MRC1: variants seen among roughly 807,000 people sequenced by gnomAD.
MRC1 encodes the protein mannose receptor C-type 1.
MRC1 carries 62 observed loss-of-function variants against 102.9 expected under a neutral mutation model. That is an observed-to-expected ratio of 0.60 (90% CI 0.49 to 0.74). MRC1 has a LOEUF of 0.74. Among genes scored for constraint, MRC1 ranks in the 30% least tolerant of loss-of-function variants. The probability of loss-of-function intolerance (pLI) is 0.00; values close to 1 mark genes in which losing one functional copy is unlikely to be tolerated. For missense variants in MRC1, 1,237 were observed against 862.8 expected (o/e 1.43, Z -5.43); for synonymous variants, 457 against 298.4 (o/e 1.53, Z -5.48).
intron 9 of MRC1, among the ~76,000 whole-genome samples, chr10:17,859,610 G>A (rs1478858899): frequency 1.3e-5 from 2 of 152,210 alleles, no homozygotes; most frequent in East Asian, 3.9e-4. Flanking sequence ...GAGCCACTGC[G>A]CCTGGCTGGT....
chr10:17,872,499 C>A (rs1202982252), intron 15 of MRC1, among the ~76,000 whole-genome samples: 2 of 152,192 alleles, frequency 1.3e-5, no homozygotes, highest in Non-Finnish European at 2.9e-5. Context: ...CGTTAATCAT[C>A]AAATAGTTGA....
chr10:17,895,274 T>G (rs1833739117), intron 23 of MRC1, among the ~76,000 whole-genome samples: 1 of 151,414 alleles, frequency 6.6e-6, no homozygotes, highest in Admixed American at 6.6e-5. Flanking sequence ...TTTCCTTGCA[T>G]AGCAACAGGT....
chr10:17,909,837 A>G (rs1382361173), intron 29 of MRC1, among the ~76,000 whole-genome samples: 1 of 151,784 alleles, frequency 6.6e-6, no homozygotes, highest in Non-Finnish European at 1.5e-5. Context: ...TCACGTTTCC[A>G]CTATTCTTAT....
rs952252722 is a variant in MRC1, at chr10:17,859,695, C to T, written c.1519-1692C>T. On this transcript the variant is annotated intron_variant, in intron 9 of 29. Transcript: ENST00000569591. ...CCCAAATGTCACAGTCTCTCTTGACCTGGTTGGTGGGCGTATTTCTGATGT... is the reference window on the plus strand; with the variant it reads ...CCCAAATGTCACAGTCTCTCTTGACTTGGTTGGTGGGCGTATTTCTGATGT... Among the ~76,000 whole-genome samples, 51 of 152,270 alleles carry T rather than the reference C, an allele frequency of 3.3e-4. No homozygotes were observed. In the South Asian group the frequency reaches 0.011, roughly 32 times the overall value.
chr10:17,863,758 A>G (rs1297383254), intron 11 of MRC1, 76 bp downstream of exon 11: 2 of 738,930 alleles, frequency 2.7e-6, no homozygotes, highest in East Asian at 4.9e-5. Context: ...TCCTCCGGGT[A>G]TCTCTGCAAA....
chr10:17,877,864 T>TCTAAATTAAACTATA (rs1304120237), intron 17 of MRC1, 36 bp from the exon 18 acceptor site: 43 of 871,788 alleles, frequency 4.9e-5, no homozygotes, highest in Admixed American at 1.0e-4. Flanking sequence ...ATTGTGTGAT[T>TCTAAATTAAACTATA]CTAAATTAAA....
At chr10:17,866,433 AC>A (rs1323040948) in intron 11 of MRC1, 128 bp from the exon 12 acceptor site, 12 of 759,106 alleles carry the variant, frequency 1.6e-5, no homozygotes, top group Non-Finnish European at 2.4e-5. Context: ...AGTGTTACAA[AC>A]CCCCCTGCAT....
chr10:17,882,180 G>T (rs1251200831), intron 21 of MRC1, among the ~76,000 whole-genome samples: 2 of 152,220 alleles, frequency 1.3e-5, no homozygotes, highest in African/African-American at 4.8e-5. Context: ...AACTGCAGGA[G>T]ATTAAGACTA....
intron 14 of MRC1, among the ~76,000 whole-genome samples, chr10:17,871,455 A>G (rs962005768): frequency 1.2e-4 from 19 of 152,310 alleles, no homozygotes; most frequent in Non-Finnish European, 2.6e-4. Flanking sequence ...TCCATAGAGG[A>G]CCTAGACCCA....
At chr10:17,824,159 G>A (rs1290420787) in intron 2 of MRC1, among the ~76,000 whole-genome samples, 1 of 152,178 alleles carries the variant, frequency 6.6e-6, no homozygotes, top group Non-Finnish European at 1.5e-5. Context: ...AATAAAATCA[G>A]AGTATTTAGT....
intron 1 of MRC1, among the ~76,000 whole-genome samples, chr10:17,816,012 C>T (rs988182282): frequency 0.038 from 5,734 of 152,024 alleles, 156 homozygotes; most frequent in Non-Finnish European, 0.054. Context: ...TTAGTAGAGA[C>T]GCGGTTCCAC....
chr10:17,899,535 C>T (rs1179295626), intron 24 of MRC1, among the ~76,000 whole-genome samples: 3 of 152,030 alleles, frequency 2.0e-5, no homozygotes, highest in African/African-American at 7.2e-5. Flanking sequence ...CTACAAAATT[C>T]TAATTTGAGA....
At chr10:17,905,086 A>G (rs1833878433) in intron 26 of MRC1, among the ~76,000 whole-genome samples, 1 of 152,162 alleles carries the variant, frequency 6.6e-6, no homozygotes, top group Non-Finnish European at 1.5e-5. Context: ...TTTCTAGGGA[A>G]CTGTAAGACA....
intron 1 of MRC1, among the ~76,000 whole-genome samples, chr10:17,822,334 C>T (rs1037078588): frequency 6.6e-6 from 1 of 152,142 alleles, no homozygotes; most frequent in Non-Finnish European, 1.5e-5. Context: ...CTACAAAATC[C>T]TATTCTAGTC....
intron 29 of MRC1, 109 bp from the exon 30 acceptor site, chr10:17,910,106 G>A (rs1833948904): frequency 7.9e-6 from 6 of 757,970 alleles, no homozygotes; most frequent in Admixed American, 1.8e-5. Flanking sequence ...GACAAATGTC[G>A]CTTGAAAGAA....
intron 5 of MRC1, among the ~76,000 whole-genome samples, chr10:17,843,530 G>T (rs1352965194): frequency 6.6e-6 from 1 of 152,032 alleles, no homozygotes; most frequent in Non-Finnish European, 1.5e-5. Flanking sequence ...GCTGGGCATG[G>T]TGTGGGCACT....
intron 3 of MRC1, among the ~76,000 whole-genome samples, chr10:17,831,427 A>G (rs901570468): frequency 5.9e-5 from 9 of 151,446 alleles, no homozygotes; most frequent in Non-Finnish European, 8.8e-5. Context: ...AAAAATTTGT[A>G]TGCTGTTGCC....
At chr10:17,898,910 T>G (rs1833791338) in intron 24 of MRC1, among the ~76,000 whole-genome samples, 1 of 152,128 alleles carries the variant, frequency 6.6e-6, no homozygotes, top group Non-Finnish European at 1.5e-5. Context: ...ACCAGCAAGC[T>G]TCCTAGTAGA....
At chr10:17,893,122 TCCCTCAG>T (rs1833703855) in intron 22 of MRC1, among the ~76,000 whole-genome samples, 1 of 151,986 alleles carries the variant, frequency 6.6e-6, no homozygotes, top group South Asian at 2.1e-4. Context: ...ATTTCTGGCT[TCCCTCAG>T]CCCTTCCTTC....
Sources: allele counts gnomAD v4.1 joint callset (sites outside exome capture counted in the v4.1 genomes callset), GRCh38; gene constraint gnomAD v4.1.1; transcripts MANE v1.5; gene names NCBI Gene and HGNC (gene_info 2026-07-23, HGNC 2026-07-21).